GNAL: variants seen among roughly 807,000 people sequenced by gnomAD.
GNAL encodes guanine nucleotide-binding protein G(olf) subunit alpha.
A neutral mutation model predicts 55.1 loss-of-function variants in GNAL; 18 were observed. The ratio of observed to expected loss-of-function variants is 0.33; its 90% confidence interval spans 0.23 to 0.48. The LOEUF (loss-of-function observed/expected upper bound fraction) is 0.48, where lower values mean the gene tolerates loss of function less well. GNAL is among the 20% of genes least tolerant of loss of function. GNAL has a pLI of 0.99. For missense variants in GNAL, 412 were observed against 614.1 expected, an observed-to-expected ratio of 0.67 and a Z score of 3.48; for synonymous variants, 253 against 237.0, an observed-to-expected ratio of 1.07 and a Z score of -0.62.
At chr18:11,746,484 C>T (rs1395195380) in intron 1 of GNAL, among the ~76,000 whole-genome samples, 2 of 152,178 alleles carry the variant, frequency 1.3e-5, no homozygotes, top group African/African-American at 4.8e-5. Flanking sequence ...GTGGCACATG[C>T]CTGTAGTCCC....
intron 1 of GNAL, among the ~76,000 whole-genome samples, chr18:11,708,350 G>A (rs117088309): frequency 6.6e-6 from 1 of 152,254 alleles, no homozygotes; most frequent in East Asian, 1.9e-4. Flanking sequence ...GAGAGAGATG[G>A]GGGAATGGCT....
At chr18:11,861,555 A>G (rs1319320795) in intron 5 of GNAL, among the ~76,000 whole-genome samples, 2 of 152,212 alleles carry the variant, frequency 1.3e-5, no homozygotes, top group Non-Finnish European at 2.9e-5. Context: ...CAACAGATCA[A>G]CCAAGAGTCA....
At position 11,738,783 on chromosome 18, in the gene GNAL, T is replaced by A. The variant is rs28548880; in HGVS notation, c.377-14070T>A. 8.9e-3 allele frequency among the ~76,000 whole-genome samples: 1,359 copies of A among 152,002 alleles called. 19 individuals are homozygous for A. The highest frequency in any genetic ancestry group is 0.031 in the African/African-American group (1,293 of 41,414). The stretch of plus-strand genomic sequence containing the variant: ...CTCTTGAAGCAGTTATTCCCCAGGG[T>A]AAAGGAGGAGGCACTCCTTCCAGGC... On this transcript the variant is annotated intron_variant, in intron 1 of 11. Transcript: ENST00000334049.
intron 4 of GNAL, among the ~76,000 whole-genome samples, chr18:11,791,184 G>T (rs2143434298): frequency 6.6e-6 from 1 of 152,286 alleles, no homozygotes; most frequent in South Asian, 2.1e-4. Flanking sequence ...TAAATGGTTT[G>T]TGTGGGTTCT....
At chr18:11,698,490 C>CAAAAAAA (rs201762409) in intron 1 of GNAL, among the ~76,000 whole-genome samples, 1 of 88,406 alleles carries the variant, frequency 1.1e-5, no homozygotes, top group African/African-American at 4.0e-5. Context: ...GACTCTGTCT[C>CAAAAAAA]AAAAAAAAAA....
chr18:11,852,180 AT>A (rs2035890046), intron 5 of GNAL: 2 of 1,460,340 alleles, frequency 1.4e-6, no homozygotes, highest in African/African-American at 2.8e-5. Flanking sequence ...TGTTAGAGAG[AT>A]ACTATACCCT....
At chr18:11,833,449 G>C (rs868426394) in intron 5 of GNAL, 4 of 152,224 alleles carry the variant, frequency 2.6e-5, no homozygotes, top group African/African-American at 9.7e-5. Flanking sequence ...AGGTAGACCA[G>C]ATGTCTCTGT....
At chr18:11,705,669 T>C (rs910951552) in intron 1 of GNAL, among the ~76,000 whole-genome samples, 1 of 152,150 alleles carries the variant, frequency 6.6e-6, no homozygotes, top group Admixed American at 6.6e-5. Context: ...TGAGGTGATA[T>C]GTCATTATGG....
chr18:11,849,038 T>C, intron 5 of GNAL, among the ~76,000 whole-genome samples: 1 of 152,220 alleles, frequency 6.6e-6, no homozygotes, highest in East Asian at 1.9e-4. Context: ...ATTTATAGTA[T>C]CTACTTCATA....
intron 1 of GNAL, among the ~76,000 whole-genome samples, chr18:11,715,535 T>G (rs554236732): frequency 2.5e-4 from 38 of 150,620 alleles, no homozygotes; most frequent in African/African-American, 9.0e-4. Context: ...TTAAATAAAG[T>G]GGTCAGGAAG....
intron 4 of GNAL, among the ~76,000 whole-genome samples, chr18:11,755,301 A>G (rs768986671): frequency 1.3e-5 from 2 of 151,356 alleles, no homozygotes; most frequent in African/African-American, 4.9e-5. Flanking sequence ...TTGTTTTGAG[A>G]TGGAGTCTCT....
chr18:11,812,783 T>C (rs540128232), intron 4 of GNAL, among the ~76,000 whole-genome samples: 1 of 150,516 alleles, frequency 6.6e-6, no homozygotes, highest in East Asian at 2.0e-4. Context: ...GGCGGAGGTG[T>C]AGTGAGCCGA....
At chr18:11,819,929 CA>C (rs367694624) in intron 4 of GNAL, among the ~76,000 whole-genome samples, 18 of 151,760 alleles carry the variant, frequency 1.2e-4, no homozygotes, top group African/African-American at 3.4e-4. Flanking sequence ...TTTATATGCA[CA>C]GGGGCGTCAC....
chr18:11,784,862 A>G (rs1027401454), intron 4 of GNAL, among the ~76,000 whole-genome samples: 4 of 152,190 alleles, frequency 2.6e-5, no homozygotes, highest in Admixed American at 2.6e-4. Flanking sequence ...GTCCGTATGT[A>G]TGGGAGTCAG....
At chr18:11,734,786 G>T (rs1341027545) in intron 1 of GNAL, among the ~76,000 whole-genome samples, 1 of 150,898 alleles carries the variant, frequency 6.6e-6, no homozygotes, top group Admixed American at 6.6e-5. Context: ...CCTTTGGGGG[G>T]ATTTATTCTA....
intron 4 of GNAL, among the ~76,000 whole-genome samples, chr18:11,795,539 A>G (rs1447832422): frequency 1.3e-5 from 2 of 152,232 alleles, no homozygotes; most frequent in African/African-American, 4.8e-5. Flanking sequence ...TTCATTGATA[A>G]ACTACAGATT....
chr18:11,854,785 A>G (rs2035965561), intron 5 of GNAL, among the ~76,000 whole-genome samples: 1 of 152,158 alleles, frequency 6.6e-6, no homozygotes, highest in South Asian at 2.1e-4. Flanking sequence ...CAGTCTCAAA[A>G]AAAGGAAAAA....
At chr18:11,832,356 A>G (rs999709690) in intron 5 of GNAL, among the ~76,000 whole-genome samples, 2 of 152,112 alleles carry the variant, frequency 1.3e-5, no homozygotes, top group Non-Finnish European at 2.9e-5. Context: ...AAGAGCAGCG[A>G]AAAAAGTCAA....
At chr18:11,793,456 C>T (rs537473542) in intron 4 of GNAL, among the ~76,000 whole-genome samples, 5 of 151,994 alleles carry the variant, frequency 3.3e-5, no homozygotes, top group African/African-American at 4.8e-5. Flanking sequence ...GTGGCATGCA[C>T]CTGTAGTTCC....
Sources: allele counts gnomAD v4.1 joint callset (sites outside exome capture counted in the v4.1 genomes callset), GRCh38; gene constraint gnomAD v4.1.1; transcripts MANE v1.5; gene names NCBI Gene and HGNC (gene_info 2026-07-23, HGNC 2026-07-21).